The following SEC63 variants were observed in gnomAD, a reference collection of about 807,000 sequenced individuals.
The protein encoded by SEC63 is translocation protein SEC63 homolog.
In SEC63, 56 loss-of-function variants were observed where a neutral mutation model predicts 116.2. That is an observed-to-expected ratio of 0.48 (90% confidence interval 0.39 to 0.60). SEC63 has a LOEUF of 0.60. Ranked by LOEUF, SEC63 falls within the 20% of genes least tolerant of loss-of-function variation. The pLI is 0.00. For missense variants in SEC63, 668 were observed against 900.0 expected (o/e 0.74, Z 3.30); for synonymous variants, 273 against 294.6 (o/e 0.93, Z 0.75).
At chr6:107,935,200 C>T (rs1178390538) in intron 1 of SEC63, among the ~76,000 whole-genome samples, 1 of 151,318 alleles carries the variant, frequency 6.6e-6, no homozygotes, top group Non-Finnish European at 1.5e-5. Flanking sequence ...GCCAGCCGCC[C>T]GTCTGGGAGA....
chr6:107,876,906 TG>T lies in SEC63; in HGVS notation c.1936-245del. On this transcript the variant is annotated intron_variant, in intron 18 of 20. Coordinates refer to ENST00000369002, the MANE Select transcript of SEC63 (RefSeq NM_007214.5). ...ATTTCAATAGCTCCTTAAAACCTAT[TG>T]ATTGGCCTTCATATTAAAAACCCTG... 4 of 432,306 alleles carry T rather than the reference TG, an allele frequency of 9.3e-6. No individual in the cohort carries two copies. In the South Asian group the frequency reaches 1.2e-4, roughly 13 times the overall value. 26.8% of individuals were successfully genotyped at this position (432,306 alleles called of 1,614,324 possible). A position where few individuals can be genotyped will look rare whatever the true frequency, so the allele number is the denominator to read the frequency against.
intron 4 of SEC63, among the ~76,000 whole-genome samples, chr6:107,914,015 G>C (rs1045843324): frequency 6.6e-6 from 1 of 152,078 alleles, no homozygotes; most frequent in Non-Finnish European, 1.5e-5. Flanking sequence ...ATTGCCAGAA[G>C]AACCAGGAAA....
At chr6:107,935,763 G>A (rs988876852) in intron 1 of SEC63, among the ~76,000 whole-genome samples, 2 of 150,754 alleles carry the variant, frequency 1.3e-5, no homozygotes, top group African/African-American at 4.9e-5. Context: ...CCCCCTCTGC[G>A]AGAAACACCC....
At chr6:107,889,026 A>G (rs904424194) in intron 16 of SEC63, among the ~76,000 whole-genome samples, 1 of 152,176 alleles carries the variant, frequency 6.6e-6, no homozygotes, top group African/African-American at 2.4e-5. Flanking sequence ...ATCAATGTTC[A>G]TCAGGGATAT....
At chr6:107,880,719 A>G (rs964971228) in intron 18 of SEC63, among the ~76,000 whole-genome samples, 48 of 152,334 alleles carry the variant, frequency 3.2e-4, no homozygotes, top group African/African-American at 1.2e-3. Context: ...TAATGGTTCC[A>G]TGTCGCCAGC....
At chr6:107,909,349 C>G (rs1324249250) in intron 7 of SEC63, among the ~76,000 whole-genome samples, 19 of 150,958 alleles carry the variant, frequency 1.3e-4, no homozygotes, top group Non-Finnish European at 1.9e-4. Flanking sequence ...TGCACTCCAT[C>G]CTAGGTGACA....
chr6:107,939,289 A>G (rs183942280), intron 1 of SEC63, among the ~76,000 whole-genome samples: 70 of 152,316 alleles, frequency 4.6e-4, no homozygotes, highest in African/African-American at 1.6e-3. Flanking sequence ...CTCAAAGAAA[A>G]AAAAACAACT....
At chr6:107,876,758 C>CCT (rs1445614979) in intron 18 of SEC63, 96 bp from the exon 19 acceptor site, 2 of 755,686 alleles carry the variant, frequency 2.6e-6, no homozygotes, top group Non-Finnish European at 4.5e-6. Flanking sequence ...TCTTAGAGAT[C>CCT]CTCTGCACTG....
intron 1 of SEC63, among the ~76,000 whole-genome samples, chr6:107,930,454 A>T (rs1327843818): frequency 1.3e-5 from 2 of 151,640 alleles, no homozygotes; most frequent in African/African-American, 2.4e-5. Flanking sequence ...CCAAAAATAC[A>T]AAATTAGCCA....
At chr6:107,925,322 A>G (rs1016153478) in intron 2 of SEC63, among the ~76,000 whole-genome samples, 1 of 152,140 alleles carries the variant, frequency 6.6e-6, no homozygotes, top group Non-Finnish European at 1.5e-5. Flanking sequence ...ATAAACTAGG[A>G]AAAACAATTG....
At chr6:107,909,097 A>G (rs1787219441) in intron 7 of SEC63, 62 bp from the exon 8 acceptor site, 6 of 1,158,888 alleles carry the variant, frequency 5.2e-6, no homozygotes, top group Middle Eastern at 2.2e-4. Flanking sequence ...GCTGGGCGAG[A>G]TGGCTCATTC....
At chr6:107,944,379 A>G (rs909529275) in intron 1 of SEC63, among the ~76,000 whole-genome samples, 40 of 152,176 alleles carry the variant, frequency 2.6e-4, no homozygotes, top group Non-Finnish European at 4.6e-4. Context: ...GCACTTATAC[A>G]CACAAGTCTG....
chr6:107,944,789 A>G (rs905670351), intron 1 of SEC63, among the ~76,000 whole-genome samples: 2 of 152,162 alleles, frequency 1.3e-5, no homozygotes, highest in Non-Finnish European at 2.9e-5. Context: ...CTGTCACCCC[A>G]CCTGGGTTAC....
chr6:107,879,552 T>G (rs1373810736), intron 18 of SEC63, among the ~76,000 whole-genome samples: 2 of 152,160 alleles, frequency 1.3e-5, no homozygotes, highest in East Asian at 3.8e-4. Context: ...CTCAAACTCC[T>G]GACCTCAGGT....
intron 1 of SEC63, among the ~76,000 whole-genome samples, chr6:107,945,464 G>A (rs1339058411): frequency 6.6e-6 from 1 of 151,626 alleles, no homozygotes; most frequent in East Asian, 2.0e-4. Context: ...ACACCACTAC[G>A]CCCAGCTAAT....
intron 4 of SEC63, among the ~76,000 whole-genome samples, chr6:107,919,996 G>C (rs1787516247): frequency 1.3e-5 from 2 of 152,080 alleles, no homozygotes; most frequent in Non-Finnish European, 2.9e-5. Context: ...CCACTATCCT[G>C]ATCAGTCAAC....
Position 107,920,885 on chromosome 6 carries a change from C to T in SEC63, c.452+912G>A, listed in dbSNP as rs531367420. Among the ~76,000 whole-genome samples the T allele has an allele frequency of 1.2e-3, 189 of 152,226 alleles. 2 individuals are homozygous for T. The highest frequency in any genetic ancestry group is 4.2e-3 in the African/African-American group (173 of 41,540). On this transcript the variant is annotated intron_variant, in intron 4 of 20. Transcript: ENST00000369002. ...CACAGACATATGTGTGTGCATATAA[C>T]GCATATGTGAATATATGTATCTCAT...
At chr6:107,873,983 G>A (rs537415750) in intron 19 of SEC63, among the ~76,000 whole-genome samples, 10 of 152,246 alleles carry the variant, frequency 6.6e-5, no homozygotes, top group Non-Finnish European at 8.8e-5. Flanking sequence ...TGTTTAAAAC[G>A]ATTGGGTAAA....
chr6:107,910,336 A>C (rs1171693835), intron 7 of SEC63, among the ~76,000 whole-genome samples: 2 of 152,176 alleles, frequency 1.3e-5, no homozygotes, highest in East Asian at 3.9e-4. Context: ...GCATGGTGGT[A>C]CACACTTGTG....
Sources: gnomAD v4.1 joint callset for allele counts (sites outside exome capture counted in the v4.1 genomes callset) on GRCh38, gnomAD v4.1.1 for gene constraint, MANE v1.5 for transcripts, NCBI Gene and HGNC (gene_info 2026-07-23, HGNC 2026-07-21) for gene names.